FEZ1: variants seen among roughly 807,000 people sequenced by gnomAD.
FEZ1 encodes the protein fasciculation and elongation protein zeta-1.
Under a neutral mutation model 49.3 loss-of-function variants are expected in FEZ1, and 20 were observed. The observed-to-expected ratio is 0.41, with a 90% CI of 0.29 to 0.59. FEZ1 has a LOEUF of 0.59. Ranked by LOEUF, FEZ1 falls within the 20% of genes least tolerant of loss-of-function variation. FEZ1 has a pLI of 0.36. For synonymous variants in FEZ1, 170 were observed against 180.9 expected, an observed-to-expected ratio of 0.94 and a Z score of 0.48; for missense variants, 413 against 476.0, an observed-to-expected ratio of 0.87 and a Z score of 1.23.
At chr11:125,488,787 C>T (rs1006539852) in intron 2 of FEZ1, 13 of 985,258 alleles carry the variant, frequency 1.3e-5, no homozygotes, top group African/African-American at 3.5e-5. Context: ...ATTTGTGTAA[C>T]ATATCACCCC....
At position 125,489,809 on chromosome 11, in the gene FEZ1, C is replaced by T; in HGVS notation, c.-32G>A. On this transcript the variant is annotated 5_prime_UTR_variant, in exon 2 of 10. Transcript: ENST00000278919. The surrounding 1 kb of genome is among the most constrained non-coding windows in gnomAD (Gnocchi z 4.2). Reference sequence around the variant, plus strand: ...TCAGCAGGAGAACAACAGCGACTTTCAGGATGAGTTTATCTAAAAGAAATG... The same window carrying T: ...TCAGCAGGAGAACAACAGCGACTTTTAGGATGAGTTTATCTAAAAGAAATG... 1 of 1,516,282 alleles carries T rather than the reference C, an allele frequency of 6.6e-7. No homozygotes were observed. The highest frequency in any genetic ancestry group is 8.8e-7 in the Non-Finnish European group (1 of 1,134,264). 93.9% of individuals were successfully genotyped at this position (1,516,282 alleles called of 1,614,324 possible).
rs1957160947 is a variant in FEZ1, at chr11:125,469,120, A to G, written c.412-5550T>C. Reference sequence around the variant, plus strand: ...GGCAGCTGGTTTATTCTGTCCATCAAGCCATTGGAGAACACCTCTCTATGG... The same window carrying G: ...GGCAGCTGGTTTATTCTGTCCATCAGGCCATTGGAGAACACCTCTCTATGG... On this transcript the variant is annotated intron_variant, in intron 3 of 9. Coordinates refer to ENST00000278919, the MANE Select transcript of FEZ1 (RefSeq NM_005103.5). 3.9e-5 allele frequency: 6 copies of G among 152,278 alleles called. 1 individual carries two copies. The South Asian group carries it at 1.2e-3, about 32-fold the overall frequency. The allele number at this position is 152,278 out of a possible 1,614,324, so 9.4% of individuals were successfully genotyped here.
chr11:125,467,587 A>G (rs538650812), intron 3 of FEZ1, among the ~76,000 whole-genome samples: 1 of 152,334 alleles, frequency 6.6e-6, no homozygotes, highest in Non-Finnish European at 1.5e-5. Flanking sequence ...ATGGTGTCTC[A>G]TGCCTGTAAT....
chr11:125,493,362 A>AAAAGAAAGAAAGAAAGAAAGAAAG (rs555223569), intron 1 of FEZ1, among the ~76,000 whole-genome samples: 6 of 49,534 alleles, frequency 1.2e-4, no homozygotes, highest in Non-Finnish European at 1.9e-4. Flanking sequence ...AGAAAGAGAG[A>AAAAGAAAGAAAGAAAGAAAGAAAG]AAAGAAAGAA....
chr11:125,447,799 G>A lies in FEZ1; in HGVS notation c.1162+703C>T, dbSNP rs546299175. On this transcript the variant is annotated intron_variant, in intron 9 of 9. Transcript: ENST00000278919. ...ATCACGCCATTGCACTCCAGACTGGGTGACAGAGCGAGATTCCATCTCAAA... is the reference window on the plus strand; with the variant it reads ...ATCACGCCATTGCACTCCAGACTGGATGACAGAGCGAGATTCCATCTCAAA... 1.2e-3 allele frequency among the ~76,000 whole-genome samples: 184 copies of A among 150,304 alleles called. 2 individuals carry two copies. The highest frequency in any genetic ancestry group is 4.4e-3 in the African/African-American group (180 of 40,860).
intron 4 of FEZ1, among the ~76,000 whole-genome samples, chr11:125,461,204 G>T (rs1957071209): frequency 6.6e-6 from 1 of 152,164 alleles, no homozygotes; most frequent in Non-Finnish European, 1.5e-5. Context: ...AGGATAGGTG[G>T]AGTCTAGAGA....
chr11:125,468,030 C>G (rs1957148716), intron 3 of FEZ1, among the ~76,000 whole-genome samples: 1 of 152,130 alleles, frequency 6.6e-6, no homozygotes, highest in Admixed American at 6.5e-5. Context: ...ATAATGCCTC[C>G]TACAGACATA....
rs117743284 is a variant in FEZ1, at chr11:125,477,763, C to T, written c.411+3771G>A. Among the ~76,000 whole-genome samples the T allele has an allele frequency of 3.8e-4, 58 of 152,130 alleles. 1 individual carries two copies. In the East Asian group the frequency reaches 5.4e-3, roughly 14 times the overall value. On this transcript the variant is annotated intron_variant, in intron 3 of 9. Transcript: ENST00000278919. ...CATCTCGCCATTCCTGAGGCACTGG[C>T]CTGGCTCTCCCCTGGCTCCTTCTGC...
intron 5 of FEZ1, among the ~76,000 whole-genome samples, chr11:125,457,120 T>A (rs1184345800): frequency 6.6e-6 from 1 of 151,122 alleles, no homozygotes; most frequent in Non-Finnish European, 1.5e-5. Flanking sequence ...GAGGCGGAGG[T>A]TGCAGTGAGC....
In FEZ1 at chr11:125,452,398, T is replaced by G. The variant is rs1355450413; in HGVS notation, c.1032A>C (p.Thr344=). 5 of 1,611,720 alleles carry G rather than the reference T, an allele frequency of 3.1e-6. No individual in the cohort carries two copies. The highest frequency in any genetic ancestry group is 1.3e-5 in the African/African-American group (1 of 75,010). ...AGGCTTTCTTCTCGTAAGGAATGACTGTGTTCAGATACTGCAAGACAAACA... is the reference window on the plus strand; with the variant it reads ...AGGCTTTCTTCTCGTAAGGAATGACGGTGTTCAGATACTGCAAGACAAACA... ...SSGTDKQYLN[T]VIPYEKKASP... is the part of the protein sequence containing the mutation. Residue 344 remains threonine (T), a synonymous_variant, in exon 8 of 10, where the codon ACA becomes ACC. Transcript: ENST00000278919.
At chr11:125,487,194 G>A (rs1028004023) in intron 2 of FEZ1, among the ~76,000 whole-genome samples, 3 of 152,160 alleles carry the variant, frequency 2.0e-5, no homozygotes, top group African/African-American at 7.2e-5. Context: ...GCAGAGGAGG[G>A]GTTTTGATAG....
At chr11:125,470,818 T>C (rs1957176830) in intron 3 of FEZ1, among the ~76,000 whole-genome samples, 1 of 152,204 alleles carries the variant, frequency 6.6e-6, no homozygotes, top group Non-Finnish European at 1.5e-5. Context: ...AGGTAAATAT[T>C]TTAAAAGTAT....
chr11:125,464,662 A>G (rs903392776), intron 3 of FEZ1, among the ~76,000 whole-genome samples: 28 of 152,240 alleles, frequency 1.8e-4, no homozygotes, highest in African/African-American at 6.5e-4. Context: ...CTTGGCAGAC[A>G]TCCCTAACAG....
chr11:125,446,259 A>G (rs1487308020), intron 9 of FEZ1, 148 bp from the exon 10 acceptor site: 12 of 720,840 alleles, frequency 1.7e-5, no homozygotes, highest in Non-Finnish European at 3.0e-5. Context: ...GGGAGAGACA[A>G]TGGCAGGTGG....
intron 1 of FEZ1, among the ~76,000 whole-genome samples, chr11:125,494,664 T>C (rs552793430): frequency 6.6e-6 from 1 of 152,326 alleles, no homozygotes; most frequent in African/African-American, 2.4e-5. Context: ...ATCTATTCCA[T>C]TTATTTTCAC....
chr11:125,451,585 G>T (rs1432323410), intron 8 of FEZ1: 2 of 152,180 alleles, frequency 1.3e-5, no homozygotes, highest in East Asian at 1.9e-4. Flanking sequence ...CAAGGAAATG[G>T]AATTTCCCTC....
chr11:125,490,573 A>G (rs1957371797), intron 1 of FEZ1, among the ~76,000 whole-genome samples: 1 of 152,132 alleles, frequency 6.6e-6, no homozygotes, highest in Admixed American at 6.5e-5. Flanking sequence ...CTAATAAAAC[A>G]TTGGCTGGAT....
intron 8 of FEZ1, among the ~76,000 whole-genome samples, chr11:125,449,677 C>G (rs1956936009): frequency 6.6e-6 from 1 of 152,112 alleles, no homozygotes; most frequent in South Asian, 2.1e-4. Context: ...TCTCAATGAG[C>G]ATGTATTACT....
intron 1 of FEZ1, among the ~76,000 whole-genome samples, chr11:125,491,124 T>A (rs1957377599): frequency 1.3e-5 from 2 of 152,156 alleles, no homozygotes; most frequent in African/African-American, 4.8e-5. Context: ...TGATCTATTA[T>A]CCTGTATCCT....
Sources: allele counts gnomAD v4.1 joint callset (sites outside exome capture counted in the v4.1 genomes callset), GRCh38; gene constraint gnomAD v4.1.1; non-coding constraint Gnocchi (gnomAD v3.1); transcripts MANE v1.5; gene names NCBI Gene and HGNC (gene_info 2026-07-23, HGNC 2026-07-21).